PRKN: variants seen among roughly 807,000 people sequenced by gnomAD.
PRKN encodes the protein parkin RBR E3 ubiquitin protein ligase.
Under a neutral mutation model 59.5 loss-of-function variants are expected in PRKN, and 56 were observed. The observed-to-expected ratio is 0.94, with a 90% CI of 0.76 to 1.18. The LOEUF is 1.18. Ranked by LOEUF, PRKN falls within the 50% of genes most tolerant of loss-of-function variation. The probability of loss-of-function intolerance (pLI) is 0.00; values close to 1 mark genes in which losing one functional copy is unlikely to be tolerated. For missense variants in PRKN, 657 were observed against 596.4 expected, an observed-to-expected ratio of 1.10 and a Z score of -1.06; for synonymous variants, 250 against 222.1, an observed-to-expected ratio of 1.13 and a Z score of -1.12.
chr6:161,486,474 G>C (rs1227905032), intron 9 of PRKN, among the ~76,000 whole-genome samples: 1 of 152,144 alleles, frequency 6.6e-6, no homozygotes, highest in East Asian at 1.9e-4. Flanking sequence ...GCAGTGGTGT[G>C]AATACAGCTT....
chr6:162,711,768 G>A (rs1339029598), intron 1 of PRKN, among the ~76,000 whole-genome samples: 1 of 152,202 alleles, frequency 6.6e-6, no homozygotes, highest in African/African-American at 2.4e-5. Context: ...GCCACAGAAT[G>A]TCTCTCCATT....
intron 2 of PRKN, among the ~76,000 whole-genome samples, chr6:162,360,011 A>G (rs1785065078): frequency 3.3e-5 from 5 of 152,006 alleles, no homozygotes; most frequent in Admixed American, 3.3e-4. Context: ...ATATTTTATA[A>G]TTTTTCAAAT....
chr6:161,486,262 C>A (rs1172120695), intron 9 of PRKN, among the ~76,000 whole-genome samples: 1 of 151,528 alleles, frequency 6.6e-6, no homozygotes, highest in Non-Finnish European at 1.5e-5. Context: ...TTTTTAAACA[C>A]CTCATTTTAC....
chr6:161,522,251 A>C (rs1221189760), intron 9 of PRKN, among the ~76,000 whole-genome samples: 1 of 152,054 alleles, frequency 6.6e-6, no homozygotes, highest in Non-Finnish European at 1.5e-5. Flanking sequence ...TGAAGGGCTG[A>C]CTCCCCACAA....
Position 161,360,182 on chromosome 6 carries a change from G to A in PRKN, c.1191C>T (p.Ala397=), listed in dbSNP as rs764789423. Residue 397 remains alanine, a synonymous_variant, in exon 11 of 12, where the codon GCC becomes GCT. Coordinates refer to ENST00000366898, the MANE Select transcript of PRKN (RefSeq NM_004562.3). The surrounding 1 kb of genome is among the most constrained non-coding windows in gnomAD (Gnocchi z 5.1). The part of the protein sequence containing the change: ...TTQAYRVDER[A]AEQARWEAAS... The stretch of plus-strand genomic sequence containing the variant: ...CTGCTTCCCAACGAGCCTGCTCGGC[G>A]GCTCTTTCATCGACTCTGTAGGCCT... 1.1e-5 allele frequency: 18 copies of A among 1,614,020 alleles called. No individual in the cohort carries two copies. Among genetic ancestry groups the A allele is most frequent in the Middle Eastern group, 3.3e-4 (2 of 6,084 alleles).
chr6:161,351,985 A>G (rs1784568693), intron 11 of PRKN, among the ~76,000 whole-genome samples: 1 of 152,180 alleles, frequency 6.6e-6, no homozygotes, highest in African/African-American at 2.4e-5. Flanking sequence ...TGGAGTGCAC[A>G]CAGCCCTGCT....
At chr6:161,991,549 AT>A (rs1308016114) in intron 5 of PRKN, among the ~76,000 whole-genome samples, 3 of 152,226 alleles carry the variant, frequency 2.0e-5, no homozygotes, top group African/African-American at 7.2e-5. Context: ...ATTTTAAAAA[AT>A]GGCCCAACTG....
intron 2 of PRKN, among the ~76,000 whole-genome samples, chr6:162,268,654 G>A (rs1339139330): frequency 6.6e-6 from 1 of 152,152 alleles, no homozygotes; most frequent in Non-Finnish European, 1.5e-5. Flanking sequence ...AGAAGACAAA[G>A]GGGAGCCACA....
chr6:162,301,445 C>A (rs1781948094), intron 2 of PRKN, among the ~76,000 whole-genome samples: 1 of 152,090 alleles, frequency 6.6e-6, no homozygotes, highest in Non-Finnish European at 1.5e-5. Context: ...ATGCCATAAC[C>A]AAACACTACT....
chr6:162,631,091 G>A (rs1017377567), intron 1 of PRKN, among the ~76,000 whole-genome samples: 2 of 151,876 alleles, frequency 1.3e-5, no homozygotes, highest in South Asian at 2.1e-4. Flanking sequence ...CAATCTTCTC[G>A]GAACACTAAT....
chr6:161,759,123 G>A (rs1326890021), intron 7 of PRKN, among the ~76,000 whole-genome samples: 1 of 151,912 alleles, frequency 6.6e-6, no homozygotes, highest in African/African-American at 2.4e-5. Flanking sequence ...GTTGCAGTGA[G>A]CTGAGATTGC....
At chr6:161,485,809 A>C (rs1237985166) in intron 9 of PRKN, among the ~76,000 whole-genome samples, 5 of 151,792 alleles carry the variant, frequency 3.3e-5, no homozygotes, top group Non-Finnish European at 7.4e-5. Context: ...TATATTATAT[A>C]TATATTGCTT....
intron 1 of PRKN, among the ~76,000 whole-genome samples, chr6:162,703,805 T>C (rs1562510549): frequency 1.3e-5 from 2 of 152,216 alleles, no homozygotes; most frequent in South Asian, 2.1e-4. Flanking sequence ...ATGTAGATTA[T>C]CTTTACCGGA....
chr6:161,545,395 C>G lies in PRKN; in HGVS notation c.1083+3459G>C, dbSNP rs1370986708. 2 of 1,612,436 alleles carry G rather than the reference C, an allele frequency of 1.2e-6. No homozygotes were observed. Among genetic ancestry groups the G allele is most frequent in the Non-Finnish European group, 1.7e-6 (2 of 1,179,620 alleles). ...TGAACGATGTATTGAATGAGGCACT[C>G]ACTTCTCCCTGAGGCAGCTTATTTT... On this transcript the variant is annotated intron_variant, in intron 9 of 11. Coordinates refer to ENST00000366898, the MANE Select transcript of PRKN (RefSeq NM_004562.3). The surrounding 1 kb of genome is among the most constrained non-coding windows in gnomAD (Gnocchi z 4.1).
chr6:162,303,085 A>G (rs1782040042), intron 2 of PRKN, among the ~76,000 whole-genome samples: 1 of 151,996 alleles, frequency 6.6e-6, no homozygotes, highest in Non-Finnish European at 1.5e-5. Context: ...CTAGTTACTC[A>G]TATTTGGAAA....
chr6:162,293,278 GATAAGAA>G (rs1781522774), intron 2 of PRKN, among the ~76,000 whole-genome samples: 1 of 152,184 alleles, frequency 6.6e-6, no homozygotes, highest in Admixed American at 6.5e-5. Flanking sequence ...AGGATGAAAG[GATAAGAA>G]GAGGGAAAGA....
At position 161,480,764 on chromosome 6, in the gene PRKN, C is replaced by A. The variant is rs917360895; in HGVS notation, c.1083+68090G>T. Among the ~76,000 whole-genome samples the A allele has an allele frequency of 6.6e-6, 1 of 152,206 alleles. No individual in the cohort carries two copies. The highest frequency in any genetic ancestry group is 1.9e-4 in the East Asian group (1 of 5,208). On this transcript the variant is annotated intron_variant, in intron 9 of 11. Transcript: ENST00000366898. This position sits in a 1 kb window ranked among gnomAD's most constrained non-coding sequence, Gnocchi z 4.1. Reference sequence around the variant, plus strand: ...AGAAAGTATAATTAGTAATTTCAGGCCTTATCTGAAATACCTGCCTCAGCA... The same window carrying A: ...AGAAAGTATAATTAGTAATTTCAGGACTTATCTGAAATACCTGCCTCAGCA...
chr6:162,346,358 G>A (rs1466270843), intron 2 of PRKN, among the ~76,000 whole-genome samples: 1 of 150,952 alleles, frequency 6.6e-6, no homozygotes, highest in African/African-American at 2.4e-5. Context: ...GCTCACACCT[G>A]TAATCTCAGC....
chr6:161,647,500 T>C (rs922099086), intron 7 of PRKN, among the ~76,000 whole-genome samples: 2 of 152,134 alleles, frequency 1.3e-5, no homozygotes, highest in Admixed American at 6.5e-5. Context: ...CCACCACAGC[T>C]CAGTCAATTA....
Sources: gnomAD v4.1 joint callset for allele counts (sites outside exome capture counted in the v4.1 genomes callset) on GRCh38, gnomAD v4.1.1 for gene constraint, Gnocchi (gnomAD v3.1) non-coding constraint, MANE v1.5 for transcripts, NCBI Gene and HGNC (gene_info 2026-07-23, HGNC 2026-07-21) for gene names.